LMNTD1: variants seen among roughly 807,000 people sequenced by gnomAD.
LMNTD1 encodes the protein lamin tail domain-containing protein 1.
LMNTD1 carries 35 observed loss-of-function variants against 50.9 expected under a neutral mutation model. That is an observed-to-expected ratio of 0.69 (90% CI 0.53 to 0.91). LMNTD1 has a LOEUF of 0.91. LMNTD1 is among the 40% of genes least tolerant of loss of function. The pLI is 0.00. For synonymous variants in LMNTD1, 153 were observed against 161.9 expected (o/e 0.94, Z 0.42); for missense variants, 470 against 475.5 (o/e 0.99, Z 0.11).
At chr12:25,519,517 G>GGCGGAGCCTGCAGT (rs1169155226) in intron 7 of LMNTD1, among the ~76,000 whole-genome samples, 20 of 149,206 alleles carry the variant, frequency 1.3e-4, no homozygotes, top group African/African-American at 4.9e-4. Context: ...GAACCGGCAG[G>GGCGGAGCCTGCAGT]GCGGAGCCTG....
At chr12:25,488,612 T>C (rs1233628735) in intron 9 of LMNTD1, among the ~76,000 whole-genome samples, 1 of 151,674 alleles carries the variant, frequency 6.6e-6, no homozygotes, top group East Asian at 1.9e-4. Flanking sequence ...TTTGATCGTC[T>C]GAAGCCTTCT....
chr12:25,488,062 A>G (rs376745711), intron 9 of LMNTD1, among the ~76,000 whole-genome samples: 1 of 147,944 alleles, frequency 6.8e-6, no homozygotes, highest in African/African-American at 2.5e-5. Flanking sequence ...GGCTGCCCTT[A>G]ACATTTTTTC....
intron 1 of LMNTD1, among the ~76,000 whole-genome samples, chr12:25,605,286 T>C (rs1368068346): frequency 6.6e-5 from 10 of 152,170 alleles, no homozygotes; most frequent in African/African-American, 2.4e-4. Context: ...TTCTCCCATG[T>C]TGTAGGTTGC....
intron 1 of LMNTD1, among the ~76,000 whole-genome samples, chr12:25,603,171 T>A (rs1946015661): frequency 6.6e-6 from 1 of 152,126 alleles, no homozygotes; most frequent in African/African-American, 2.4e-5. Context: ...CTTGATTTAG[T>A]GTCAGTTAAT....
intron 1 of LMNTD1, chr12:25,592,877 G>A (rs1269127222): frequency 6.6e-6 from 1 of 152,224 alleles, no homozygotes; most frequent in Non-Finnish European, 1.5e-5. Flanking sequence ...GTTGTAGGGG[G>A]TGGGCCACAG....
chr12:25,540,001 T>C (rs1307960024), intron 4 of LMNTD1, among the ~76,000 whole-genome samples: 110 of 137,590 alleles, frequency 8.0e-4, no homozygotes, highest in African/African-American at 1.1e-3. Flanking sequence ...CCTTGACACA[T>C]ACACTCTCCC....
chr12:25,559,731 C>T (rs376051309), intron 1 of LMNTD1, among the ~76,000 whole-genome samples: 9 of 152,048 alleles, frequency 5.9e-5, no homozygotes, highest in Admixed American at 2.0e-4. Flanking sequence ...TTTTAATGAT[C>T]GCCATTCTAA....
chr12:25,576,571 CTT>C (rs1945028779), intron 1 of LMNTD1, among the ~76,000 whole-genome samples: 1 of 152,062 alleles, frequency 6.6e-6, no homozygotes, highest in Non-Finnish European at 1.5e-5. Context: ...TGTTTAAGTT[CTT>C]TGTAGATTCT....
intron 6 of LMNTD1, among the ~76,000 whole-genome samples, chr12:25,521,679 C>T (rs916310974): frequency 2.0e-5 from 3 of 151,892 alleles, no homozygotes; most frequent in African/African-American, 7.3e-5. Context: ...TCTAAAGAAC[C>T]GAGCAAAAAG....
At chr12:25,570,572 G>C (rs12425623) in intron 1 of LMNTD1, among the ~76,000 whole-genome samples, 8,846 of 152,218 alleles carry the variant, frequency 0.058, 335 homozygotes, top group South Asian at 0.13. Flanking sequence ...ATACAGCAAA[G>C]ATGAACTAAT....
At chr12:25,548,622 G>A (rs1421292343) in intron 3 of LMNTD1, among the ~76,000 whole-genome samples, 1 of 151,848 alleles carries the variant, frequency 6.6e-6, no homozygotes, top group African/African-American at 2.4e-5. Context: ...TACTCTACCT[G>A]GTGCCTAACA....
chr12:25,512,290 C>CAGCAAAAAACGAGACAAT (rs1227961589), intron 8 of LMNTD1, among the ~76,000 whole-genome samples: 4 of 152,036 alleles, frequency 2.6e-5, no homozygotes, highest in African/African-American at 9.7e-5. Flanking sequence ...TTGCATTAAG[C>CAGCAAAAAACGAGACAAT]AGCAAAAAAC....
At chr12:25,603,937 T>G (rs971523407) in intron 1 of LMNTD1, among the ~76,000 whole-genome samples, 1 of 136,566 alleles carries the variant, frequency 7.3e-6, no homozygotes, top group Non-Finnish European at 1.6e-5. Flanking sequence ...CAGAGACACA[T>G]ACGAATATTG....
rs368820406 is a variant in LMNTD1, at chr12:25,483,150, C to T, written c.*23-6690G>A. 7.9e-5 allele frequency among the ~76,000 whole-genome samples: 12 copies of T among 152,002 alleles called. 1 individual carries two copies. The South Asian group carries it at 1.2e-3, about 16-fold the overall frequency. On this transcript the variant is annotated intron_variant, in intron 9 of 9. Coordinates refer to ENST00000458174, the MANE Select transcript of LMNTD1 (RefSeq NM_001145728.2). ...ATAAGAAGTCTTAATGTGGGCTGGGCGTGGTGGCTCATGCCTATAATCTCA... is the reference window on the plus strand; with the variant it reads ...ATAAGAAGTCTTAATGTGGGCTGGGTGTGGTGGCTCATGCCTATAATCTCA...
In LMNTD1 at chr12:25,546,367, T is replaced by C; in HGVS notation, c.491+7A>G. On this transcript the variant is annotated splice_region_variant and intron_variant, in intron 4 of 9. Coordinates refer to ENST00000458174, the MANE Select transcript of LMNTD1 (RefSeq NM_001145728.2). ...AAGATACTAAGTAGTTCAAATAAAATATGTACCTGGAGGTAAATTGGCCAA... is the reference window on the plus strand; with the variant it reads ...AAGATACTAAGTAGTTCAAATAAAACATGTACCTGGAGGTAAATTGGCCAA... 6.4e-7 allele frequency: 1 copy of C among 1,554,484 alleles called. No homozygotes were observed. The highest frequency in any genetic ancestry group is 8.7e-7 in the Non-Finnish European group (1 of 1,145,528).
intron 1 of LMNTD1, among the ~76,000 whole-genome samples, chr12:25,634,584 C>T (rs185622003): frequency 3.0e-4 from 46 of 152,232 alleles, no homozygotes; most frequent in East Asian, 1.5e-3. Flanking sequence ...AAAAATCCCA[C>T]GATTATCTCA....
intron 1 of LMNTD1, among the ~76,000 whole-genome samples, chr12:25,628,188 A>T (rs1248016565): frequency 6.6e-6 from 1 of 151,190 alleles, no homozygotes; most frequent in African/African-American, 2.4e-5. Flanking sequence ...ATTGAATTGC[A>T]TATATTACTT....
At chr12:25,581,754 C>T (rs1218411052) in intron 1 of LMNTD1, among the ~76,000 whole-genome samples, 1 of 152,156 alleles carries the variant, frequency 6.6e-6, no homozygotes, top group Non-Finnish European at 1.5e-5. Flanking sequence ...ATGGTATGGC[C>T]TACTACACAC....
At position 25,580,945 on chromosome 12, in the gene LMNTD1, G is replaced by C. The variant is rs115682073; in HGVS notation, c.59-34391C>G. On this transcript the variant is annotated intron_variant, in intron 1 of 7. Coordinates refer to the LMNTD1 transcript ENST00000445693. ...CCTTACCGGGTTGTTAAGAGAACAA[G>C]TAAGACCATGTATTTAAGGACATGG... Among the ~76,000 whole-genome samples the C allele has an allele frequency of 4.6e-3, 706 of 152,300 alleles. 5 individuals are homozygous for C. The highest frequency in any genetic ancestry group is 0.015 in the African/African-American group (638 of 41,562).
Sources: allele counts gnomAD v4.1 joint callset (sites outside exome capture counted in the v4.1 genomes callset), GRCh38; gene constraint gnomAD v4.1.1; transcripts MANE v1.5; gene names NCBI Gene and HGNC (gene_info 2026-07-23, HGNC 2026-07-21).